SPAG16: variants seen among roughly 807,000 people sequenced by gnomAD.
The protein encoded by SPAG16 is sperm-associated antigen 16 protein.
A neutral mutation model predicts 80.4 loss-of-function variants in SPAG16; 86 were observed. The ratio of observed to expected loss-of-function variants is 1.07; its 90% confidence interval spans 0.90 to 1.28. The LOEUF is 1.28. Ranked by LOEUF, SPAG16 falls within the 50% of genes most tolerant of loss-of-function variation. The pLI is 0.00. For missense variants in SPAG16, 870 were observed against 765.3 expected (o/e 1.14, Z -1.61); for synonymous variants, 294 against 265.9 (o/e 1.11, Z -1.03).
At chr2:214,402,116 T>G (rs1209662878) in intron 15 of SPAG16, among the ~76,000 whole-genome samples, 1 of 152,016 alleles carries the variant, frequency 6.6e-6, no homozygotes, top group Non-Finnish European at 1.5e-5. Flanking sequence ...CTTGATATAT[T>G]AACTAGTGTT....
chr2:214,183,920 T>C (rs750208138), intron 15 of SPAG16, among the ~76,000 whole-genome samples: 1 of 152,090 alleles, frequency 6.6e-6, no homozygotes, highest in Non-Finnish European at 1.5e-5. Flanking sequence ...GTACATATCT[T>C]AAAACATTTG....
At chr2:214,140,701 T>C (rs2055306565) in intron 14 of SPAG16, among the ~76,000 whole-genome samples, 1 of 151,922 alleles carries the variant, frequency 6.6e-6, no homozygotes, top group African/African-American at 2.4e-5. Flanking sequence ...ACTCTAGTAA[T>C]TTCTTTTCTG....
At chr2:213,702,633 C>G (rs149568208) in intron 10 of SPAG16, among the ~76,000 whole-genome samples, 3 of 152,284 alleles carry the variant, frequency 2.0e-5, no homozygotes, top group Non-Finnish European at 4.4e-5. Flanking sequence ...AAAATTATTT[C>G]ATCATATGAT....
At chr2:214,034,132 A>G (rs1408867321) in intron 13 of SPAG16, among the ~76,000 whole-genome samples, 2 of 152,182 alleles carry the variant, frequency 1.3e-5, no homozygotes, top group Non-Finnish European at 2.9e-5. Context: ...TCTTGTTTAC[A>G]TTCACCTTAT....
intron 10 of SPAG16, among the ~76,000 whole-genome samples, chr2:213,743,004 C>T (rs371902421): frequency 6.3e-4 from 96 of 151,296 alleles, no homozygotes; most frequent in Admixed American, 4.8e-3. Context: ...CCCGCGTTCA[C>T]GCCATTCTCC....
At chr2:213,972,072 T>C (rs909507810) in intron 12 of SPAG16, among the ~76,000 whole-genome samples, 2 of 151,836 alleles carry the variant, frequency 1.3e-5, no homozygotes, top group Admixed American at 6.6e-5. Flanking sequence ...CCTCCAGGAT[T>C]TATTCTCTGT....
chr2:213,803,756 G>A (rs570355247), intron 10 of SPAG16, among the ~76,000 whole-genome samples: 23 of 152,162 alleles, frequency 1.5e-4, no homozygotes, highest in African/African-American at 5.1e-4. Flanking sequence ...TATATATTTA[G>A]AGGAAGGATC....
intron 10 of SPAG16, among the ~76,000 whole-genome samples, chr2:213,702,392 C>T (rs1032932350): frequency 1.6e-4 from 24 of 152,284 alleles, no homozygotes; most frequent in African/African-American, 5.3e-4. Flanking sequence ...CTGTTTGGGT[C>T]CATGCAGCAT....
intron 10 of SPAG16, among the ~76,000 whole-genome samples, chr2:213,844,175 A>G (rs2074499094): frequency 6.6e-6 from 1 of 152,206 alleles, no homozygotes; most frequent in Non-Finnish European, 1.5e-5. Flanking sequence ...ACTTCACTTG[A>G]CATTTCCAGT....
In SPAG16 at chr2:213,364,157, A is replaced by G; in HGVS notation, c.832+12A>G. 2 of 1,462,062 alleles carry G rather than the reference A, an allele frequency of 1.4e-6. No homozygotes were observed. The highest frequency in any genetic ancestry group is 1.8e-6 in the Non-Finnish European group (2 of 1,092,752). The allele number at this position is 1,462,062 out of a possible 1,614,324, so 90.6% of individuals were successfully genotyped here. ...TCCTCAAATTAAAGGTAAATGTAAA[A>G]TGTGATGAAGCTCTCATTTAATATA... On this transcript the variant is annotated intron_variant, in intron 8 of 15. Coordinates refer to ENST00000331683, the MANE Select transcript of SPAG16 (RefSeq NM_024532.5).
intron 13 of SPAG16, among the ~76,000 whole-genome samples, chr2:214,024,383 G>A (rs184899353): frequency 6.6e-6 from 1 of 151,176 alleles, no homozygotes; most frequent in East Asian, 1.9e-4. Context: ...GATCTAGAAG[G>A]GTATGAAATT....
At chr2:213,367,497 G>T (rs1171549464) in intron 8 of SPAG16, among the ~76,000 whole-genome samples, 2 of 152,284 alleles carry the variant, frequency 1.3e-5, no homozygotes, top group Non-Finnish European at 2.9e-5. Context: ...GGTGTGAGAT[G>T]GTATCTCATT....
Position 214,367,813 on chromosome 2 carries a change from T to C in SPAG16, c.1721-42327T>C, listed in dbSNP as rs191539373. Among the ~76,000 whole-genome samples, 11 of 152,310 alleles carry C rather than the reference T, an allele frequency of 7.2e-5. No homozygotes were observed. In the East Asian group the frequency reaches 2.1e-3, roughly 29 times the overall value. On this transcript the variant is annotated intron_variant, in intron 15 of 15. Transcript: ENST00000331683. ...CTGTATCACCCAGCTCCACTTTTTT[T>C]CCTTGAAGAAAATTCTGTTGCTGGA...
intron 10 of SPAG16, among the ~76,000 whole-genome samples, chr2:213,727,135 G>A (rs901783005): frequency 1.3e-5 from 2 of 152,088 alleles, no homozygotes; most frequent in Non-Finnish European, 2.9e-5. Flanking sequence ...ACCAGACAAT[G>A]CCTAGAGGAA....
rs1433374718 is a variant in SPAG16, at chr2:213,424,372, T to C, written c.942+49253T>C. Among the ~76,000 whole-genome samples the C allele has an allele frequency of 3.3e-5, 5 of 152,218 alleles. No homozygotes were observed. In the East Asian group the frequency reaches 9.6e-4, roughly 29 times the overall value. On this transcript the variant is annotated intron_variant, in intron 9 of 15. Coordinates refer to ENST00000331683, the MANE Select transcript of SPAG16 (RefSeq NM_024532.5). ...TTTTACCATTATAGAGATTTGAATA[T>C]ATATTTAATCACATTTATTTTTTAA...
At chr2:214,172,909 G>C in intron 15 of SPAG16, among the ~76,000 whole-genome samples, 1 of 152,156 alleles carries the variant, frequency 6.6e-6, no homozygotes, top group Non-Finnish European at 1.5e-5. Context: ...CTTTTGAGAA[G>C]TGTCTGTTCA....
chr2:214,060,895 C>T (rs979845705), intron 13 of SPAG16, among the ~76,000 whole-genome samples: 1 of 152,032 alleles, frequency 6.6e-6, no homozygotes, highest in South Asian at 2.1e-4. Flanking sequence ...TGAAGAAATA[C>T]ATTACAGAAG....
At chr2:214,068,640 A>G (rs2050641451) in intron 13 of SPAG16, among the ~76,000 whole-genome samples, 1 of 152,170 alleles carries the variant, frequency 6.6e-6, no homozygotes, top group African/African-American at 2.4e-5. Flanking sequence ...TGTCTATGCA[A>G]ATGAAGTAAA....
At chr2:213,391,260 T>C (rs1336985903) in intron 9 of SPAG16, among the ~76,000 whole-genome samples, 1 of 152,136 alleles carries the variant, frequency 6.6e-6, no homozygotes, top group African/African-American at 2.4e-5. Context: ...GGAGCGAGAC[T>C]CCGTTTCAAA....
Sources: gnomAD v4.1 joint callset for allele counts (sites outside exome capture counted in the v4.1 genomes callset) on GRCh38, gnomAD v4.1.1 for gene constraint, MANE v1.5 for transcripts, NCBI Gene and HGNC (gene_info 2026-07-23, HGNC 2026-07-21) for gene names.